WDR25: variants seen among roughly 807,000 people sequenced by gnomAD.
WDR25 encodes the protein WD repeat-containing protein 25.
A neutral mutation model predicts 47.7 loss-of-function variants in WDR25; 35 were observed. That is an observed-to-expected ratio of 0.73 (90% confidence interval 0.56 to 0.97). The LOEUF is 0.97. Among genes scored for constraint, WDR25 ranks in the 50% least tolerant of loss-of-function variants. WDR25 has a pLI of 0.00. For synonymous variants in WDR25, 248 were observed against 278.9 expected, an observed-to-expected ratio of 0.89 and a Z score of 1.10; for missense variants, 634 against 704.7, an observed-to-expected ratio of 0.90 and a Z score of 1.14.
At position 100,428,163 on chromosome 14, in the gene WDR25, C is replaced by T. The variant is rs1898223032; in HGVS notation, c.823-39858C>T. On this transcript the variant is annotated intron_variant, in intron 2 of 6. Transcript: ENST00000402312. This position sits in a 1 kb window ranked among gnomAD's most constrained non-coding sequence, Gnocchi z 4.3. ...CATCTGAGGAAACGTTTGTCGTGTGCTCCGACCGAAGCGTTGGCACTGACC... is the reference window on the plus strand; with the variant it reads ...CATCTGAGGAAACGTTTGTCGTGTGTTCCGACCGAAGCGTTGGCACTGACC... 6.6e-6 allele frequency among the ~76,000 whole-genome samples: 1 copy of T among 152,228 alleles called. No homozygotes were observed. Among genetic ancestry groups the T allele is most frequent in the African/African-American group, 2.4e-5 (1 of 41,456 alleles).
chr14:100,380,833 A>G, intron 1 of WDR25, 77 bp from the exon 2 acceptor site: 2 of 1,323,074 alleles, frequency 1.5e-6, no homozygotes, highest in African/African-American at 1.5e-5. Flanking sequence ...TGGATTTCCT[A>G]GGTGACATGG....
rs1898138067 is a variant in WDR25, at chr14:100,425,374, G to A, written c.823-42647G>A. On this transcript the variant is annotated intron_variant, in intron 2 of 6. Coordinates refer to ENST00000402312, the MANE Select transcript of WDR25 (RefSeq NM_001161476.3). This position sits in a 1 kb window ranked among gnomAD's most constrained non-coding sequence, Gnocchi z 4.8. ...GGCACACACCCAGGAGTAGCTGTTG[G>A]GTGGATATACAAATGTTGCCATAGG... Among the ~76,000 whole-genome samples, 1 of 152,234 alleles carries A rather than the reference G, an allele frequency of 6.6e-6. No individual in the cohort carries two copies. Among genetic ancestry groups the A allele is most frequent in the South Asian group, 2.1e-4 (1 of 4,832 alleles).
rs768310877 is a variant in WDR25, at chr14:100,526,028, C to T, written c.1260C>T (p.Asn420=). ...WDFRTSAKIS[N]QIFHERFTCP... is the part of the protein sequence containing the mutation. ...TCCGGACCTCTGCCAAAATCTCCAA[C>T]CAGATTTTCCACGTAAGAAATCCCA... Residue 420 remains asparagine, a synonymous_variant, in exon 5 of 7, where the codon AAC becomes AAT. Transcript: ENST00000402312. 48 of 1,613,946 alleles carry T rather than the reference C, an allele frequency of 3.0e-5. No homozygotes were observed. The highest frequency in any genetic ancestry group is 4.1e-5 in the Non-Finnish European group (48 of 1,179,978).
intron 4 of WDR25, among the ~76,000 whole-genome samples, chr14:100,521,301 C>T (rs1288938161): frequency 6.6e-6 from 1 of 152,132 alleles, no homozygotes; most frequent in Non-Finnish European, 1.5e-5. Flanking sequence ...TACAGAAAAA[C>T]TTTGTAACCC....
intron 4 of WDR25, among the ~76,000 whole-genome samples, chr14:100,522,844 C>T (rs1442805349): frequency 6.6e-6 from 1 of 152,238 alleles, no homozygotes; most frequent in South Asian, 2.1e-4. Flanking sequence ...ATCCAAGGGC[C>T]AGGAGAGGCC....
At chr14:100,380,871 C>A in intron 1 of WDR25, 39 bp from the exon 2 acceptor site, 1 of 1,545,204 alleles carries the variant, frequency 6.5e-7, no homozygotes, top group South Asian at 1.2e-5. Flanking sequence ...CATATTCTTC[C>A]ATGCACATTT....
intron 4 of WDR25, among the ~76,000 whole-genome samples, chr14:100,496,040 A>G (rs1900718556): frequency 1.3e-5 from 2 of 152,218 alleles, no homozygotes; most frequent in Non-Finnish European, 1.5e-5. Flanking sequence ...CTGTTTTCCA[A>G]AGTGGTTGCA....
Position 100,477,586 on chromosome 14 carries a change from A to G in WDR25, c.971-6408A>G, listed in dbSNP as rs140361197. On this transcript the variant is annotated intron_variant, in intron 3 of 6. Coordinates refer to ENST00000402312, the MANE Select transcript of WDR25 (RefSeq NM_001161476.3). ...GAGAACAAGCTCCTTGATTTATGAA[A>G]AGGTAGAGAGGAAGAGCCCGTCTGA... Among the ~76,000 whole-genome samples the G allele has an allele frequency of 2.0e-5, 3 of 148,778 alleles. No individual in the cohort carries two copies. In the East Asian group the frequency reaches 5.9e-4, roughly 29 times the overall value.
chr14:100,429,575 T>C (rs1595529097), intron 2 of WDR25, among the ~76,000 whole-genome samples: 1 of 152,058 alleles, frequency 6.6e-6, no homozygotes, highest in Non-Finnish European at 1.5e-5. Flanking sequence ...CCCCATAATA[T>C]AGGTGACACT....
chr14:100,439,402 G>A (rs563065320), intron 2 of WDR25, among the ~76,000 whole-genome samples: 5 of 152,306 alleles, frequency 3.3e-5, no homozygotes, highest in African/African-American at 1.2e-4. Flanking sequence ...TTTGTGTGGC[G>A]TTGTGCAGTT....
At chr14:100,507,545 G>T (rs962352674) in intron 4 of WDR25, among the ~76,000 whole-genome samples, 9 of 151,600 alleles carry the variant, frequency 5.9e-5, no homozygotes, top group African/African-American at 2.2e-4. Flanking sequence ...GCACGGAATG[G>T]TTTTCTATTT....
At chr14:100,455,505 G>T (rs1333375574) in intron 2 of WDR25, 1 of 151,746 alleles carries the variant, frequency 6.6e-6, no homozygotes, top group African/African-American at 2.4e-5. Flanking sequence ...ATAATATCAG[G>T]AAATGCCCCA....
In WDR25 at chr14:100,500,854, C is replaced by T. The variant is rs533224405; in HGVS notation, c.1101+16730C>T. On this transcript the variant is annotated intron_variant, in intron 4 of 6. Coordinates refer to ENST00000402312, the MANE Select transcript of WDR25 (RefSeq NM_001161476.3). The surrounding 1 kb of genome is among the most constrained non-coding windows in gnomAD (Gnocchi z 4.7). ...GCCTCCGCTATAAAGTAAGGGAAAC[C>T]AATTTTTCACTTGAGAGGATCAACA... Among the ~76,000 whole-genome samples, 1 of 152,264 alleles carries T rather than the reference C, an allele frequency of 6.6e-6. No homozygotes were observed. Among genetic ancestry groups the T allele is most frequent in the East Asian group, 1.9e-4 (1 of 5,186 alleles).
chr14:100,477,066 C>T (rs1411036668), intron 3 of WDR25, among the ~76,000 whole-genome samples: 1 of 152,090 alleles, frequency 6.6e-6, no homozygotes, highest in Non-Finnish European at 1.5e-5. Context: ...TCTTAGTTAG[C>T]AAGATGGACA....
At chr14:100,390,472 C>T (rs192609417) in intron 2 of WDR25, among the ~76,000 whole-genome samples, 11 of 151,526 alleles carry the variant, frequency 7.3e-5, no homozygotes, top group Non-Finnish European at 1.5e-5. Flanking sequence ...TTGTTTGCAG[C>T]GGGCCGGATG....
chr14:100,427,923 G>C (rs1307171837), intron 2 of WDR25, among the ~76,000 whole-genome samples: 2 of 152,214 alleles, frequency 1.3e-5, no homozygotes, highest in African/African-American at 4.8e-5. Context: ...TGGTGATGTG[G>C]TGCTGGAGTG....
chr14:100,405,157 C>T (rs549954941), intron 2 of WDR25, among the ~76,000 whole-genome samples: 1 of 122,874 alleles, frequency 8.1e-6, no homozygotes, highest in African/African-American at 3.2e-5. Context: ...GGAATCCTCT[C>T]TCTGCCCCAT....
At chr14:100,466,555 G>C (rs1265130999) in intron 2 of WDR25, among the ~76,000 whole-genome samples, 1 of 152,202 alleles carries the variant, frequency 6.6e-6, no homozygotes, top group Admixed American at 6.5e-5. Flanking sequence ...GCCATGTGCT[G>C]TGCAGCCATT....
intron 2 of WDR25, among the ~76,000 whole-genome samples, chr14:100,422,835 G>C (rs1898066528): frequency 6.6e-6 from 1 of 152,164 alleles, no homozygotes; most frequent in African/African-American, 2.4e-5. Context: ...CCATCCTGGG[G>C]GTGGTGTTTT....
Sources: gnomAD v4.1 joint callset for allele counts (sites outside exome capture counted in the v4.1 genomes callset) on GRCh38, gnomAD v4.1.1 for gene constraint, Gnocchi (gnomAD v3.1) non-coding constraint, MANE v1.5 for transcripts, NCBI Gene and HGNC (gene_info 2026-07-23, HGNC 2026-07-21) for gene names.